ITGB5: variants seen among roughly 807,000 people sequenced by gnomAD.
The protein encoded by ITGB5 is integrin beta-5.
ITGB5 carries 38 observed loss-of-function variants against 84.8 expected under a neutral mutation model. The observed-to-expected ratio is 0.45, with a 90% CI of 0.35 to 0.59. The LOEUF (loss-of-function observed/expected upper bound fraction) is 0.59. Among genes scored for constraint, ITGB5 ranks in the 20% least tolerant of loss-of-function variants. The pLI is 0.01. For missense variants in ITGB5, 905 were observed against 1,034.5 expected (o/e 0.87, Z 1.72); for synonymous variants, 393 against 414.4 (o/e 0.95, Z 0.63).
Position 124,878,358 on chromosome 3 carries a change from T to C in ITGB5, c.71-4827A>G, listed in dbSNP as rs191730282. On this transcript the variant is annotated intron_variant, in intron 1 of 14. Coordinates refer to ENST00000296181, the MANE Select transcript of ITGB5 (RefSeq NM_002213.5). Reference sequence around the variant, plus strand: ...TACCAAAGAAACTCAAAGGATGTGATAGTCACCTGGTATGAAAACATCATG... The same window carrying C: ...TACCAAAGAAACTCAAAGGATGTGACAGTCACCTGGTATGAAAACATCATG... Among the ~76,000 whole-genome samples, 547 of 152,352 alleles carry C rather than the reference T, an allele frequency of 3.6e-3. 6 individuals carry two copies. The highest frequency in any genetic ancestry group is 0.011 in the African/African-American group (472 of 41,582).
chr3:124,816,912 A>C (rs1472910476), intron 8 of ITGB5, among the ~76,000 whole-genome samples: 10 of 152,192 alleles, frequency 6.6e-5, no homozygotes, highest in Non-Finnish European at 1.5e-4. Flanking sequence ...CATCTTAAGT[A>C]GGTAGGCAAA....
At chr3:124,774,638 G>T (rs2063896410) in intron 10 of ITGB5, among the ~76,000 whole-genome samples, 1 of 152,174 alleles carries the variant, frequency 6.6e-6, no homozygotes, top group Non-Finnish European at 1.5e-5. Context: ...AAATAAATCC[G>T]TGTTGCTTTA....
At chr3:124,890,261 T>C (rs1011581763), upstream of ITGB5, among the ~76,000 whole-genome samples, 2 of 141,540 alleles carry the variant, frequency 1.4e-5, no homozygotes, top group Non-Finnish European at 3.0e-5. Flanking sequence ...TGGAGTGCAG[T>C]GGCACAATCT....
intron 9 of ITGB5, among the ~76,000 whole-genome samples, chr3:124,806,620 G>C (rs1017491924): frequency 6.6e-6 from 1 of 151,368 alleles, no homozygotes; most frequent in African/African-American, 2.4e-5. Flanking sequence ...GTATTTTTTA[G>C]TAGAGACGGG....
At chr3:124,764,360 C>T in intron 14 of ITGB5, 31 bp downstream of exon 14, 1 of 1,586,604 alleles carries the variant, frequency 6.3e-7, no homozygotes, top group Non-Finnish European at 8.6e-7. Flanking sequence ...AGCTTGAAGT[C>T]TCCTCTGCTT....
chr3:124,778,759 G>T (rs3772825), intron 10 of ITGB5, among the ~76,000 whole-genome samples: 1 of 152,116 alleles, frequency 6.6e-6, no homozygotes, highest in East Asian at 1.9e-4. Flanking sequence ...ATGGGGAAAT[G>T]AAGGAATCAA....
chr3:124,852,712 C>T (rs1204710227), intron 3 of ITGB5, among the ~76,000 whole-genome samples: 2 of 152,068 alleles, frequency 1.3e-5, no homozygotes, highest in Non-Finnish European at 1.5e-5. Flanking sequence ...TTTTGAGACA[C>T]GGTCTTGTTC....
intron 10 of ITGB5, among the ~76,000 whole-genome samples, chr3:124,795,841 C>T (rs1303869472): frequency 2.0e-5 from 3 of 152,294 alleles, no homozygotes; most frequent in East Asian, 3.9e-4. Flanking sequence ...CAGATTCTCC[C>T]CTGGAGCTTC....
rs1489212389 is a variant in ITGB5, at chr3:124,796,680, C to T, written c.1401G>A (p.Val467=). The change falls in exon 10 of 15, where the codon GTG becomes GTA. Residue 467 remains valine, a synonymous_variant. Coordinates refer to ENST00000296181, the MANE Select transcript of ITGB5 (RefSeq NM_002213.5). ...VTYNCTCGCS[V]GLEPNSARCN... ...ACCTGGCGCTGTTGGGTTCCAGCCC[C>T]ACGCTGCAGCCGCACGTGCAGTTGT... 1.9e-6 allele frequency: 3 copies of T among 1,614,054 alleles called. 1 individual carries two copies. The highest frequency in any genetic ancestry group is 2.2e-5 in the East Asian group (1 of 44,872).
chr3:124,766,289 T>G lies in ITGB5; in HGVS notation c.2074A>C (p.Met692Leu). The change falls in exon 13 of 15, where the codon ATG becomes CTG. Residue 692 changes from methionine to leucine, a missense_variant. Met to Leu is a conservative substitution (Grantham distance 15, BLOSUM62 2). Around this residue, in one of 3 missense-constraint regions of ITGB5, gnomAD observed 116 missense variants for 177.0 expected, o/e 0.66. Coordinates refer to ENST00000296181, the MANE Select transcript of ITGB5 (RefSeq NM_002213.5). ...CFYKTAKDCV[M>L]MFTYVELPSG... ...GGGAGCTCCACATAGGTGAACATCA[T>G]GACGCAGTCCTTGGCGGTTTTGTAG... is the stretch of plus-strand genomic sequence containing the variant. 1 of 1,614,150 alleles carries G rather than the reference T, an allele frequency of 6.2e-7. No homozygotes were observed. The highest frequency in any genetic ancestry group is 2.2e-5 in the East Asian group (1 of 44,872).
chr3:124,859,250 AGGTTCAC>A lies in ITGB5; in HGVS notation c.346_352del (p.Val116SerfsTer26). The A allele has an allele frequency of 6.2e-7, 1 of 1,613,616 alleles. No homozygotes were observed. On this transcript the variant is annotated frameshift_variant, in exon 3 of 15. Transcript: ENST00000296181. LOFTEE classifies it high-confidence loss of function. ...TTCTGTGGGCAACTCACCGGGCCGG[AGGTTCAC>A]GGCAATCTCCTGTGGTGTCATCTGA...
chr3:124,865,474 C>CTTTTTTTT (rs1559977008), intron 2 of ITGB5, among the ~76,000 whole-genome samples: 1 of 57,876 alleles, frequency 1.7e-5, no homozygotes, highest in Non-Finnish European at 3.4e-5. Flanking sequence ...TCCTTTGCGG[C>CTTTTTTTT]TTTTTTCTTT....
At chr3:124,773,575 G>T in intron 11 of ITGB5, 115 bp downstream of exon 11, 2 of 854,538 alleles carry the variant, frequency 2.3e-6, no homozygotes, top group Non-Finnish European at 3.7e-6. Context: ...AGGCTTGCTG[G>T]GTGGGAGATG....
At chr3:124,792,082 G>T (rs886119585) in intron 10 of ITGB5, 18 of 152,188 alleles carry the variant, frequency 1.2e-4, no homozygotes, top group African/African-American at 3.9e-4. Context: ...ATTTTCTCCG[G>T]AAAGACTTGG....
chr3:124,867,646 T>C (rs753965919), intron 2 of ITGB5, among the ~76,000 whole-genome samples: 8 of 152,232 alleles, frequency 5.3e-5, no homozygotes, highest in Non-Finnish European at 8.8e-5. Flanking sequence ...TCATTGCAGT[T>C]AGGCATTGCC....
chr3:124,783,594 G>A (rs547595781), intron 10 of ITGB5, among the ~76,000 whole-genome samples: 1 of 152,286 alleles, frequency 6.6e-6, no homozygotes, highest in South Asian at 2.1e-4. Context: ...AAACCCTGGG[G>A]GAAGACATCC....
intron 7 of ITGB5, among the ~76,000 whole-genome samples, 174 bp from the exon 8 acceptor site, chr3:124,817,884 G>A (rs1446643471): frequency 6.6e-6 from 1 of 152,136 alleles, no homozygotes; most frequent in African/African-American, 2.4e-5. Flanking sequence ...AAATGGCACA[G>A]AAGAAGAGTT....
chr3:124,854,683 G>C (rs1002658043), intron 3 of ITGB5, among the ~76,000 whole-genome samples: 2 of 152,160 alleles, frequency 1.3e-5, no homozygotes, highest in African/African-American at 4.8e-5. Context: ...ATCAGACAGT[G>C]GTGTTGACTG....
intron 2 of ITGB5, among the ~76,000 whole-genome samples, chr3:124,867,504 C>T (rs2065410409): frequency 6.6e-6 from 1 of 152,254 alleles, no homozygotes; most frequent in African/African-American, 2.4e-5. Flanking sequence ...ACAGGGAGCA[C>T]TGATCCCTCA....
Sources: gnomAD v4.1 joint callset for allele counts (sites outside exome capture counted in the v4.1 genomes callset) on GRCh38, gnomAD v4.1.1 for gene constraint, gnomAD v4.1.1 regional missense constraint, MANE v1.5 for transcripts, NCBI Gene and HGNC (gene_info 2026-07-23, HGNC 2026-07-21) for gene names.